LRRC51: variants seen among roughly 807,000 people sequenced by gnomAD.
LRRC51 encodes leucine rich repeat containing 51.
In LRRC51, 8 loss-of-function variants were observed where a neutral mutation model predicts 17.8. The observed-to-expected ratio is 0.45, with a 90% CI of 0.26 to 0.81. The LOEUF is 0.81. Ranked by LOEUF, LRRC51 falls within the 30% of genes least tolerant of loss-of-function variation. The pLI, the probability that LRRC51 is intolerant of heterozygous loss-of-function variation, is 0.17. For missense variants in LRRC51, 233 were observed against 239.3 expected (o/e 0.97, Z 0.17); for synonymous variants, 92 against 96.0 (o/e 0.96, Z 0.24).
At chr11:72,086,513 CA>C (rs1944542065) in intron 1 of LRRC51, 1 of 699,236 alleles carries the variant, frequency 1.4e-6, no homozygotes. Context: ...TCAGAATTGG[CA>C]GTTTCTCATT....
intron 4 of LRRC51, among the ~76,000 whole-genome samples, chr11:72,094,070 G>A (rs1423354303): frequency 1.3e-5 from 2 of 152,132 alleles, no homozygotes; most frequent in Non-Finnish European, 2.9e-5. Flanking sequence ...GGATCACAAG[G>A]TCAAGAGAGA....
At chr11:72,095,319 G>C in intron 5 of LRRC51, 60 bp from the exon 6 acceptor site, 1 of 1,612,738 alleles carries the variant, frequency 6.2e-7, no homozygotes, top group South Asian at 1.1e-5. Flanking sequence ...ACAGCAACTA[G>C]TGGAGGGGGA....
chr11:72,085,954 G>A (rs1310032510), intron 1 of LRRC51: 1 of 154,286 alleles, frequency 6.5e-6, no homozygotes, highest in African/African-American at 2.4e-5. Flanking sequence ...CTGGCAAAGA[G>A]CAAGAGGGCA....
At position 72,095,617 on chromosome 11, in the gene LRRC51, C is replaced by T. The variant is rs755299861; in HGVS notation, c.*97C>T. The T allele has an allele frequency of 6.4e-7, 1 of 1,554,828 alleles. No homozygotes were observed. Among genetic ancestry groups the T allele is most frequent in the African/African-American group, 1.4e-5 (1 of 73,304 alleles). ...TGTTGAGCAGATGAGAAGTCACTTACACCTTGTAGAGATGTTCTCTAACTC... is the reference window on the plus strand; with the variant it reads ...TGTTGAGCAGATGAGAAGTCACTTATACCTTGTAGAGATGTTCTCTAACTC... On this transcript the variant is annotated 3_prime_UTR_variant, in exon 6 of 6. Coordinates refer to ENST00000289488, the MANE Select transcript of LRRC51 (RefSeq NM_145309.6).
Position 72,090,974 on chromosome 11 carries a change from A to G in LRRC51, c.82+1809A>G, listed in dbSNP as rs141924063. Reference sequence around the variant, plus strand: ...ATGCTCCCCAGTTCCCAAAGCATTGATATTTGTGGTCCAGCTTCCAGACCT... The same window carrying G: ...ATGCTCCCCAGTTCCCAAAGCATTGGTATTTGTGGTCCAGCTTCCAGACCT... On this transcript the variant is annotated intron_variant, in intron 3 of 5. Coordinates refer to ENST00000289488, the MANE Select transcript of LRRC51 (RefSeq NM_145309.6). Among the ~76,000 whole-genome samples the G allele has an allele frequency of 4.5e-3, 687 of 152,320 alleles. 3 individuals carry two copies. The highest frequency in any genetic ancestry group is 5.9e-3 in the Admixed American group (91 of 15,308).
chr11:72,086,554 G>A, intron 1 of LRRC51: 1 of 684,922 alleles, frequency 1.5e-6, no homozygotes, highest in Admixed American at 2.1e-5. Context: ...TTGAGTGCCT[G>A]TTGTAAACCT....
At chr11:72,092,642 C>T (rs562783989) in intron 3 of LRRC51, among the ~76,000 whole-genome samples, 89 of 152,382 alleles carry the variant, frequency 5.8e-4, no homozygotes, top group African/African-American at 2.0e-3. Flanking sequence ...GGATTCCTGC[C>T]TCCTTTTCCT....
intron 4 of LRRC51, chr11:72,094,298 AAG>A (rs1359982747): frequency 5.2e-6 from 1 of 194,126 alleles, no homozygotes; most frequent in Non-Finnish European, 1.1e-5. Flanking sequence ...AAAAAAAAAA[AAG>A]AAAAGAAAAT....
Position 72,095,589 on chromosome 11 carries a change from A to G in LRRC51, c.*69A>G. On this transcript the variant is annotated 3_prime_UTR_variant, in exon 6 of 6. Coordinates refer to ENST00000289488, the MANE Select transcript of LRRC51 (RefSeq NM_145309.6). ...GCATGGTTTGACAATAAATAATTTG[A>G]GCTGTTGAGCAGATGAGAAGTCACT... 1 of 1,572,426 alleles carries G rather than the reference A, an allele frequency of 6.4e-7. No individual in the cohort carries two copies. Among genetic ancestry groups the G allele is most frequent in the Non-Finnish European group, 8.6e-7 (1 of 1,158,126 alleles).
At chr11:72,095,140 TAAAGG>T in intron 5 of LRRC51, 44 bp downstream of exon 5, 1 of 1,605,680 alleles carries the variant, frequency 6.2e-7, no homozygotes, top group Non-Finnish European at 8.5e-7. Flanking sequence ...TGGGCTCCCC[TAAAGG>T]AAAGGAGGAG....
At position 72,092,223 on chromosome 11, in the gene LRRC51, C is replaced by A. The variant is rs77464992; in HGVS notation, c.83-1273C>A. 8.0e-3 allele frequency among the ~76,000 whole-genome samples: 1,216 copies of A among 152,298 alleles called. 13 individuals are homozygous for A. Among genetic ancestry groups the A allele is most frequent in the African/African-American group, 0.028 (1,162 of 41,552 alleles). ...AAGTCTGTGTCTCCTGAGCTTCCGA[C>A]CTTCATCTCCAACTGCCTACTTGAC... On this transcript the variant is annotated intron_variant, in intron 3 of 5. Coordinates refer to ENST00000289488, the MANE Select transcript of LRRC51 (RefSeq NM_145309.6).
chr11:72,095,628 G>A lies in LRRC51; in HGVS notation c.*108G>A. ...TGAGAAGTCACTTACACCTTGTAGA[G>A]ATGTTCTCTAACTCAGGCAACTGCA... On this transcript the variant is annotated 3_prime_UTR_variant, in exon 6 of 6. Transcript: ENST00000289488. 6.5e-7 allele frequency: 1 copy of A among 1,549,424 alleles called. No homozygotes were observed. Among genetic ancestry groups the A allele is most frequent in the Non-Finnish European group, 8.7e-7 (1 of 1,146,510 alleles).
At chr11:72,095,264 C>A in intron 5 of LRRC51, 115 bp from the exon 6 acceptor site, 3 of 1,595,172 alleles carry the variant, frequency 1.9e-6, no homozygotes, top group Non-Finnish European at 2.6e-6. Flanking sequence ...TAATCTTTCC[C>A]AAACTATGCT....
In LRRC51 at chr11:72,096,745, C is replaced by T. The variant is rs1452199528; in HGVS notation, c.*1225C>T. The T allele has an allele frequency of 4.0e-6, 6 of 1,515,962 alleles. No homozygotes were observed. 93.9% of individuals were successfully genotyped at this position (1,515,962 alleles called of 1,614,324 possible). ...CAGAGTACCAGGGTCTGTAGAGATG[C>T]CTCACAGGCCTCCATGACAGGCCAA... is the stretch of plus-strand genomic sequence containing the variant. On this transcript the variant is annotated 3_prime_UTR_variant, in exon 6 of 6. Coordinates refer to ENST00000289488, the MANE Select transcript of LRRC51 (RefSeq NM_145309.6).
In LRRC51 at chr11:72,095,368, C is replaced by G. The variant is rs1945127781; in HGVS notation, c.438-11C>G. Reference sequence around the variant, plus strand: ...GGGGGTGCTGGCCCCCAGCCTAAGTCTTCCCCACAGGCAATATGTGCTGTG... The same window carrying G: ...GGGGGTGCTGGCCCCCAGCCTAAGTGTTCCCCACAGGCAATATGTGCTGTG... On this transcript the variant is annotated splice_polypyrimidine_tract_variant and intron_variant, in intron 5 of 5. Transcript: ENST00000289488. The G allele has an allele frequency of 1.2e-6, 2 of 1,613,880 alleles. No homozygotes were observed. Among genetic ancestry groups the G allele is most frequent in the Non-Finnish European group, 1.7e-6 (2 of 1,180,020 alleles).
At chr11:72,088,737 A>C (rs975464865) in intron 2 of LRRC51, 6 of 513,720 alleles carry the variant, frequency 1.2e-5, no homozygotes, top group African/African-American at 1.2e-4. Context: ...CACTGGCTTA[A>C]CTCTGGGCAA....
At chr11:72,088,800 G>C (rs188166123) in intron 2 of LRRC51, 2 of 538,274 alleles carry the variant, frequency 3.7e-6, no homozygotes, top group Non-Finnish European at 6.6e-6. Flanking sequence ...TCCAGACAAA[G>C]AAATGGGTGT....
Position 72,095,794 on chromosome 11 carries a change from TC to T in LRRC51, c.*278del. On this transcript the variant is annotated 3_prime_UTR_variant, in exon 6 of 6. Transcript: ENST00000289488. ...TTCAAGAGATTCTCCTGCCTCAGCC[TC>T]CCCAGTAGCTGTGATTAAAGGCGCC... The T allele has an allele frequency of 1.5e-6, 1 of 648,584 alleles. No homozygotes were observed. The highest frequency in any genetic ancestry group is 2.3e-6 in the Non-Finnish European group (1 of 429,834). 40.2% of individuals were successfully genotyped at this position (648,584 alleles called of 1,614,324 possible). A position where few individuals can be genotyped will look rare whatever the true frequency, so the allele number is the denominator to read the frequency against.
chr11:72,090,184 T>C (rs1944776343), intron 3 of LRRC51, among the ~76,000 whole-genome samples: 1 of 152,198 alleles, frequency 6.6e-6, no homozygotes, highest in Non-Finnish European at 1.5e-5. Context: ...TGATCTTTAT[T>C]GTGCACTGCA....
Sources: allele counts gnomAD v4.1 joint callset (sites outside exome capture counted in the v4.1 genomes callset), GRCh38; gene constraint gnomAD v4.1.1; transcripts MANE v1.5; gene names NCBI Gene and HGNC (gene_info 2026-07-23, HGNC 2026-07-21).